The following CAP2 variants were observed in gnomAD, a reference collection of about 807,000 sequenced individuals.
CAP2 encodes the protein adenylyl cyclase-associated protein 2.
CAP2 carries 24 observed loss-of-function variants against 57.7 expected under a neutral mutation model. The observed-to-expected ratio is 0.42, with a 90% CI of 0.30 to 0.58. CAP2 has a LOEUF of 0.58. Among genes scored for constraint, CAP2 ranks in the 20% least tolerant of loss-of-function variants. The probability of loss-of-function intolerance (pLI) is 0.22; values close to 1 mark genes in which losing one functional copy is unlikely to be tolerated. For missense variants in CAP2, 501 were observed against 590.3 expected, an observed-to-expected ratio of 0.85 and a Z score of 1.57; for synonymous variants, 194 against 207.2, an observed-to-expected ratio of 0.94 and a Z score of 0.55.
chr6:17,495,588 C>T (rs1761643438), intron 4 of CAP2, among the ~76,000 whole-genome samples: 1 of 152,110 alleles, frequency 6.6e-6, no homozygotes, highest in African/African-American at 2.4e-5. Flanking sequence ...ACTGATAAGG[C>T]TTGGAGTCCA....
intron 3 of CAP2, among the ~76,000 whole-genome samples, chr6:17,436,817 T>A (rs1759904401): frequency 6.6e-6 from 1 of 151,976 alleles, no homozygotes; most frequent in East Asian, 1.9e-4. Context: ...AGGAGGTGAG[T>A]GGCAGGCAGG....
intron 2 of CAP2, among the ~76,000 whole-genome samples, chr6:17,425,708 A>G (rs190723103): frequency 6.6e-6 from 1 of 152,200 alleles, no homozygotes; most frequent in East Asian, 1.9e-4. Flanking sequence ...CTGGGTCCGG[A>G]GGGAATGAAA....
intron 4 of CAP2, among the ~76,000 whole-genome samples, chr6:17,475,090 G>A (rs533421336): frequency 2.6e-5 from 4 of 152,088 alleles, no homozygotes; most frequent in Non-Finnish European, 4.4e-5. Flanking sequence ...AGCTACTCAG[G>A]AGGCTGAGGC....
chr6:17,515,567 A>G (rs1277050783), intron 7 of CAP2, among the ~76,000 whole-genome samples: 1 of 152,164 alleles, frequency 6.6e-6, no homozygotes, highest in Non-Finnish European at 1.5e-5. Context: ...ATCATACAAT[A>G]TACCCACGTA....
intron 12 of CAP2, 38 bp from the exon 13 acceptor site, chr6:17,556,321 G>A: frequency 7.1e-7 from 1 of 1,399,280 alleles, no homozygotes; most frequent in Middle Eastern, 1.8e-4. Flanking sequence ...TAACTTTGTT[G>A]TAGTTTAAAT....
intron 1 of CAP2, among the ~76,000 whole-genome samples, chr6:17,394,705 C>CTA (rs1391217696): frequency 1.3e-5 from 2 of 152,142 alleles, no homozygotes; most frequent in Admixed American, 1.3e-4. Flanking sequence ...TTCATTGAAG[C>CTA]TATGTTCCTT....
intron 12 of CAP2, 83 bp from the exon 13 acceptor site, chr6:17,556,276 C>T: frequency 1.0e-6 from 1 of 957,576 alleles, no homozygotes; most frequent in South Asian, 1.4e-5. Context: ...AAATCAGCCT[C>T]ACCATCTGTT....
intron 1 of CAP2, among the ~76,000 whole-genome samples, chr6:17,414,071 G>T (rs557014212): frequency 6.6e-6 from 1 of 151,122 alleles, no homozygotes; most frequent in African/African-American, 2.4e-5. Flanking sequence ...AAAAAAAAGA[G>T]TTTAACAATC....
intron 7 of CAP2, among the ~76,000 whole-genome samples, chr6:17,514,840 C>G (rs1314081778): frequency 1.3e-5 from 2 of 152,102 alleles, no homozygotes; most frequent in Non-Finnish European, 2.9e-5. Flanking sequence ...AAATGCTTTA[C>G]CAGTTAATGT....
chr6:17,435,538 G>T, intron 3 of CAP2, among the ~76,000 whole-genome samples: 1 of 89,900 alleles, frequency 1.1e-5, no homozygotes, highest in Admixed American at 1.2e-4. Context: ...TGGTGGGGTC[G>T]GGGGAGGGGG....
At chr6:17,435,164 A>T (rs1241045543) in intron 3 of CAP2, among the ~76,000 whole-genome samples, 1 of 107,992 alleles carries the variant, frequency 9.3e-6, no homozygotes, top group East Asian at 2.3e-4. Flanking sequence ...CATTTGACCC[A>T]GCCATCCCAT....
intron 7 of CAP2, among the ~76,000 whole-genome samples, chr6:17,526,399 T>C (rs1268089874): frequency 6.6e-6 from 1 of 151,934 alleles, no homozygotes; most frequent in African/African-American, 2.4e-5. Context: ...ATTACAGGCG[T>C]CAGCCACCGC....
intron 1 of CAP2, among the ~76,000 whole-genome samples, chr6:17,420,414 CCAAT>C (rs557745497): frequency 2.0e-5 from 3 of 152,134 alleles, no homozygotes; most frequent in Non-Finnish European, 4.4e-5. Flanking sequence ...CCAAAACAAA[CCAAT>C]CAGTAATAAG....
intron 3 of CAP2, among the ~76,000 whole-genome samples, chr6:17,444,337 TAGTTAAAAAACAA>T (rs1004990772): frequency 2.0e-5 from 3 of 152,132 alleles, no homozygotes; most frequent in Non-Finnish European, 2.9e-5. Flanking sequence ...CCTAGACCAG[TAGTTAAAAAACAA>T]ATCATCAGCT....
At chr6:17,527,340 A>G (rs1762534998) in intron 7 of CAP2, among the ~76,000 whole-genome samples, 1 of 152,196 alleles carries the variant, frequency 6.6e-6, no homozygotes, top group African/African-American at 2.4e-5. Flanking sequence ...TTTGATGAGT[A>G]TACTCTGCTA....
chr6:17,505,953 G>A (rs984153835), intron 4 of CAP2, among the ~76,000 whole-genome samples: 9 of 152,262 alleles, frequency 5.9e-5, no homozygotes, highest in Non-Finnish European at 8.8e-5. Flanking sequence ...GAGTACAGTG[G>A]TGAGTCACAG....
chr6:17,473,037 CTT>C (rs566161869), intron 4 of CAP2, among the ~76,000 whole-genome samples: 3 of 143,326 alleles, frequency 2.1e-5, no homozygotes, highest in Admixed American at 7.1e-5. Flanking sequence ...TCATGGTGAC[CTT>C]TTTTTTTTTT....
chr6:17,434,411 T>TAGAG (rs1759820801), intron 3 of CAP2, among the ~76,000 whole-genome samples: 1 of 152,106 alleles, frequency 6.6e-6, no homozygotes, highest in South Asian at 2.1e-4. Context: ...GTGTTTTTAG[T>TAGAG]AGAGACGGGG....
intron 3 of CAP2, among the ~76,000 whole-genome samples, chr6:17,432,970 C>T (rs1290855892): frequency 1.4e-5 from 2 of 138,060 alleles, no homozygotes; most frequent in Non-Finnish European, 3.0e-5. Context: ...TCTCCCCCCT[C>T]CCTCCCTCTC....
Sources: allele counts gnomAD v4.1 joint callset (sites outside exome capture counted in the v4.1 genomes callset), GRCh38; gene constraint gnomAD v4.1.1; transcripts MANE v1.5; gene names NCBI Gene and HGNC (gene_info 2026-07-23, HGNC 2026-07-21).